The following LHFPL3 variants were observed in gnomAD, a reference collection of about 807,000 sequenced individuals.
The protein encoded by LHFPL3 is LHFPL tetraspan subfamily member 3 protein.
In LHFPL3, 5 loss-of-function variants were observed where a neutral mutation model predicts 19.3. The ratio of observed to expected loss-of-function variants is 0.26; its 90% CI spans 0.14 to 0.54. LHFPL3 has a LOEUF of 0.54. Among genes scored for constraint, LHFPL3 ranks in the 20% least tolerant of loss-of-function variants. The probability of loss-of-function intolerance (pLI) is 0.94; values close to 1 mark genes in which losing one functional copy is unlikely to be tolerated. For synonymous variants in LHFPL3, 133 were observed against 126.2 expected (o/e 1.05, Z -0.36); for missense variants, 249 against 307.4 (o/e 0.81, Z 1.42).
chr7:104,383,602 G>A (rs1790875251), intron 1 of LHFPL3, among the ~76,000 whole-genome samples: 1 of 152,194 alleles, frequency 6.6e-6, no homozygotes, highest in East Asian at 1.9e-4. Context: ...CTCCTAAGGA[G>A]CAACATTTTT....
chr7:104,575,559 TAAAAAAAA>T (rs58118006), intron 1 of LHFPL3, among the ~76,000 whole-genome samples: 9 of 36,174 alleles, frequency 2.5e-4, no homozygotes, highest in Non-Finnish European at 4.3e-4. Flanking sequence ...CAAAGAGATC[TAAAAAAAA>T]AAAAAAAAAA....
intron 1 of LHFPL3, among the ~76,000 whole-genome samples, chr7:104,436,525 A>G (rs2116570547): frequency 6.6e-6 from 1 of 152,284 alleles, no homozygotes; most frequent in Non-Finnish European, 1.5e-5. Flanking sequence ...CAGCAGTATG[A>G]TTGAATATGC....
chr7:104,380,458 CAAAA>C (rs1017168805), intron 1 of LHFPL3, among the ~76,000 whole-genome samples: 1 of 151,878 alleles, frequency 6.6e-6, no homozygotes, highest in South Asian at 2.1e-4. Flanking sequence ...CAAAACAAAA[CAAAA>C]AACCTCCAGG....
intron 1 of LHFPL3, among the ~76,000 whole-genome samples, chr7:104,706,326 C>T (rs768703787): frequency 1.3e-5 from 2 of 152,088 alleles, no homozygotes; most frequent in African/African-American, 2.4e-5. Flanking sequence ...TACTCACAAG[C>T]CTCTGACAAG....
chr7:104,859,166 C>A (rs1791566767), intron 2 of LHFPL3, among the ~76,000 whole-genome samples: 1 of 151,532 alleles, frequency 6.6e-6, no homozygotes, highest in Non-Finnish European at 1.5e-5. Context: ...ACTCAGGAGG[C>A]TGAGGCAGGA....
At chr7:104,424,810 T>G (rs1259815486) in intron 1 of LHFPL3, among the ~76,000 whole-genome samples, 1 of 151,702 alleles carries the variant, frequency 6.6e-6, no homozygotes, top group Non-Finnish European at 1.5e-5. Flanking sequence ...GTTAACATGG[T>G]GAAACCCTGT....
rs543265068 is a variant in LHFPL3, at chr7:104,560,775, G to A, written c.446-175900G>A. ...TCTAGTTCTTTTAATTGTGATGTTAGGGTGTCAATTTTGGATCTTTCCTGC... is the reference window on the plus strand; with the variant it reads ...TCTAGTTCTTTTAATTGTGATGTTAAGGTGTCAATTTTGGATCTTTCCTGC... On this transcript the variant is annotated intron_variant, in intron 1 of 2. Transcript: ENST00000424859. 2.3e-4 allele frequency among the ~76,000 whole-genome samples: 34 copies of A among 145,932 alleles called. No homozygotes were observed. In the East Asian group the frequency reaches 6.3e-3, roughly 27 times the overall value.
intron 1 of LHFPL3, among the ~76,000 whole-genome samples, chr7:104,674,556 A>G (rs1203191014): frequency 6.6e-6 from 1 of 151,852 alleles, no homozygotes; most frequent in African/African-American, 2.4e-5. Flanking sequence ...TTTAGTAGAG[A>G]TGGAGTTTCA....
In LHFPL3 at chr7:104,817,669, T is replaced by C. The variant is rs564250752; in HGVS notation, c.682+80758T>C. 4.7e-4 allele frequency among the ~76,000 whole-genome samples: 72 copies of C among 152,270 alleles called. No homozygotes were observed. In the South Asian group the frequency reaches 0.013, roughly 29 times the overall value. On this transcript the variant is annotated intron_variant, in intron 2 of 2. Coordinates refer to ENST00000424859, the MANE Select transcript of LHFPL3 (RefSeq NM_199000.3). ...TGGGAACTCAGGGGCCTTTCCTGAT[T>C]TGACGATTGACAATTCTAGGTACAG... is the stretch of plus-strand genomic sequence containing the variant.
In LHFPL3 at chr7:104,385,940, C is replaced by CA. The variant is rs879642115; in HGVS notation, c.445+56728dup. ...TCCATAAAAGCAATGAAAACATTGG[C>CA]AAAAAAAAAAAATCATCAAAATCAA... is the stretch of plus-strand genomic sequence containing the variant. On this transcript the variant is annotated intron_variant, in intron 1 of 2. Transcript: ENST00000424859. Among the ~76,000 whole-genome samples, 1,010 of 136,446 alleles carry CA rather than the reference C, an allele frequency of 7.4e-3. 8 individuals carry two copies. The highest frequency in any genetic ancestry group is 0.012 in the African/African-American group (427 of 37,006). 89.5% of individuals were successfully genotyped at this position (136,446 alleles called of 152,430 possible). A position where few individuals can be genotyped will look rare whatever the true frequency, so the allele number is the denominator to read the frequency against.
At chr7:104,345,487 TTATC>T (rs1393662434) in intron 1 of LHFPL3, among the ~76,000 whole-genome samples, 3 of 152,194 alleles carry the variant, frequency 2.0e-5, no homozygotes, top group African/African-American at 7.2e-5. Flanking sequence ...AATGACCTGT[TTATC>T]TATGCTGAGA....
chr7:104,422,532 A>G (rs1384547307), intron 1 of LHFPL3, among the ~76,000 whole-genome samples: 1 of 152,184 alleles, frequency 6.6e-6, no homozygotes, highest in African/African-American at 2.4e-5. Flanking sequence ...GATTATAGAA[A>G]TTGATTTATT....
intron 2 of LHFPL3, among the ~76,000 whole-genome samples, chr7:104,752,169 C>G (rs1794187297): frequency 6.6e-6 from 1 of 152,124 alleles, no homozygotes; most frequent in Non-Finnish European, 1.5e-5. Context: ...GATGGCCCCA[C>G]TAATTCGGGA....
chr7:104,466,903 A>G (rs566797436), intron 1 of LHFPL3, among the ~76,000 whole-genome samples: 16 of 152,228 alleles, frequency 1.1e-4, no homozygotes, highest in African/African-American at 3.6e-4. Context: ...TATTTCTGAC[A>G]TGTTCCTTTA....
At chr7:104,504,675 G>A (rs1262167905) in intron 1 of LHFPL3, among the ~76,000 whole-genome samples, 1 of 152,090 alleles carries the variant, frequency 6.6e-6, no homozygotes, top group Non-Finnish European at 1.5e-5. Context: ...TTCAGGTTAT[G>A]TGTTTAATTC....
chr7:104,561,763 G>T (rs1371414424), intron 1 of LHFPL3, among the ~76,000 whole-genome samples: 1 of 152,118 alleles, frequency 6.6e-6, no homozygotes, highest in African/African-American at 2.4e-5. Flanking sequence ...AGTTGATGCA[G>T]TTTCTTCCTA....
At chr7:104,546,145 TTAAC>T (rs1448009675) in intron 1 of LHFPL3, among the ~76,000 whole-genome samples, 1 of 152,288 alleles carries the variant, frequency 6.6e-6, no homozygotes, top group Admixed American at 6.5e-5. Context: ...CATAAATAGT[TTAAC>T]TAACTTTCTG....
intron 1 of LHFPL3, among the ~76,000 whole-genome samples, chr7:104,635,561 G>T (rs1791715047): frequency 6.6e-6 from 1 of 152,038 alleles, no homozygotes. Flanking sequence ...CTTTAACCCT[G>T]AATTCTATAT....
At chr7:104,346,141 T>C (rs1790061076) in intron 1 of LHFPL3, among the ~76,000 whole-genome samples, 2 of 151,764 alleles carry the variant, frequency 1.3e-5, no homozygotes, top group African/African-American at 4.8e-5. Context: ...GTTCAAGCAA[T>C]TCTTCTGTCT....
Sources: gnomAD v4.1 joint callset for allele counts (sites outside exome capture counted in the v4.1 genomes callset) on GRCh38, gnomAD v4.1.1 for gene constraint, MANE v1.5 for transcripts, NCBI Gene and HGNC (gene_info 2026-07-23, HGNC 2026-07-21) for gene names.